The following MUC5AC variants were observed in gnomAD, a reference collection of about 807,000 sequenced individuals.
The protein encoded by MUC5AC is mucin-5AC.
MUC5AC carries 158 observed loss-of-function variants against 169.7 expected under a neutral mutation model. That is an observed-to-expected ratio of 0.93 (90% CI 0.82 to 1.06). The LOEUF is 1.06. MUC5AC is among the 50% of genes least tolerant of loss of function. MUC5AC has a pLI of 0.00. For missense variants in MUC5AC, 4,359 were observed against 3,089.9 expected (o/e 1.41, Z -9.74); for synonymous variants, 1,975 against 1,237.0 (o/e 1.60, Z -12.52).
intron 44 of MUC5AC, 21 bp downstream of exon 44, chr11:1,199,017 C>A: frequency 1.3e-6 from 1 of 763,170 alleles, no homozygotes. Context: ...CCACCCTGCC[C>A]CGACCCTGCC....
At chr11:1,193,136 G>A (rs1466708630) in intron 32 of MUC5AC, among the ~76,000 whole-genome samples, 154 bp downstream of exon 32, 1 of 152,232 alleles carries the variant, frequency 6.6e-6, no homozygotes, top group African/African-American at 2.4e-5. Context: ...GCTGTAGCCC[G>A]GCGTCTCTGA....
In MUC5AC at chr11:1,188,993, T is replaced by C. The variant is rs1245095901; in HGVS notation, c.10848T>C (p.Leu3616=). 0.14 allele frequency: 95,421 copies of C among 671,310 alleles called. 8,932 individuals are homozygous for C. Among genetic ancestry groups the C allele is most frequent in the Non-Finnish European group, 0.18 (65,080 of 370,084 alleles). The allele number at this position is 671,310 out of a possible 1,614,324, so 41.6% of individuals were successfully genotyped here. A position where few individuals can be genotyped will look rare whatever the true frequency, so the allele number is the denominator to read the frequency against. ...GCCTCAACTACGAGGTGCGTGTGCT[T>C]TGCTGCGAGACCCCCAAAGGCTGCC... ...KMCLNYEVRV[L]CCETPKGCPV... The change falls in exon 31 of 49, where the codon CTT becomes CTC. Residue 3616 remains leucine (L), a synonymous_variant. Transcript: ENST00000621226.
In MUC5AC at chr11:1,190,634, T is replaced by G. The variant is rs1409182469; in HGVS notation, c.12489T>G (p.Ser4163=). 6 of 694,330 alleles carry G rather than the reference T, an allele frequency of 8.6e-6. No individual in the cohort carries two copies. The highest frequency in any genetic ancestry group is 4.0e-5 in the Admixed American group (2 of 49,662). 43.0% of individuals were successfully genotyped at this position (694,330 alleles called of 1,614,324 possible). A position where few individuals can be genotyped will look rare whatever the true frequency, so the allele number is the denominator to read the frequency against. ...TTLAPTTSTT[S]APTTSTNSAP... ...TGGCTCCTACAACCAGCACAACCTC[T>G]GCTCCAACAACCAGCACAAACTCTG... is the stretch of plus-strand genomic sequence containing the variant. The change falls in exon 31 of 49, where the codon TCT becomes TCG. Residue 4163 remains serine (S), a synonymous_variant. Coordinates refer to ENST00000621226, the MANE Select transcript of MUC5AC (RefSeq NM_001304359.2).
rs982422556 is a variant in MUC5AC at position 1,164,328 on chromosome 11, C to T, written c.1003+9C>T. The T allele has an allele frequency of 5.0e-6, 8 of 1,611,838 alleles. No individual in the cohort carries two copies. The highest frequency in any genetic ancestry group is 1.1e-5 in the South Asian group (1 of 91,084). ...GGGCCCTGACTTCTGCCGTGAGTGT[C>T]CCAGCCCCCTGTCCCCCAACCCCTT... On this transcript the variant is annotated intron_variant, in intron 8 of 48. Transcript: ENST00000621226.
Position 1,192,322 on chromosome 11 carries a change from A to C in MUC5AC, c.14177A>C (p.Glu4726Ala), listed in dbSNP as rs1265924237. 5 of 764,992 alleles carry C rather than the reference A, an allele frequency of 6.5e-6. No individual in the cohort carries two copies. The highest frequency in any genetic ancestry group is 7.2e-6 in the Non-Finnish European group (3 of 417,896). The allele number at this position is 764,992 out of a possible 1,614,324, so 47.4% of individuals were successfully genotyped here. ...LNYEVRVLCC[E>A]TPRGCPVTSV... is the part of the protein sequence containing the mutation. ...TACGAGGTGCGCGTGCTCTGCTGCG[A>C]GACCCCCAGAGGCTGCCCGGTGACC... Residue 4726 changes from glutamate (E) to alanine (A), a missense_variant, in exon 31 of 49, where the codon GAG becomes GCG. By Grantham distance (107) the Glu-to-Ala change is moderately radical. Transcript: ENST00000621226.
Position 1,194,136 on chromosome 11 carries a change from C to A in MUC5AC, c.14782C>A (p.His4928Asn). 1.3e-6 allele frequency: 1 copy of A among 765,006 alleles called. No homozygotes were observed. The highest frequency in any genetic ancestry group is 2.4e-6 in the Non-Finnish European group (1 of 417,846). 47.4% of individuals were successfully genotyped at this position (765,006 alleles called of 1,614,324 possible). A position where few individuals can be genotyped will look rare whatever the true frequency, so the allele number is the denominator to read the frequency against. Residue 4928 changes from histidine (H) to asparagine (N), a missense_variant, in exon 34 of 49, where the codon CAC (histidine) becomes AAC (asparagine). Transcript: ENST00000621226. The part of the protein sequence containing the change: ...QCVCSGWGDP[H>N]YITFDGTYYT... ...TGTGTGCAGCGGCTGGGGTGACCCC[C>A]ACTACATCACCTTCGACGGCACCTA...
rs1860151340 is a variant in MUC5AC, at chr11:1,161,909, T to G, written c.214T>G (p.Ser72Ala). 1 of 1,611,062 alleles carries G rather than the reference T, an allele frequency of 6.2e-7. No homozygotes were observed. The highest frequency in any genetic ancestry group is 8.5e-7 in the Non-Finnish European group (1 of 1,179,350). ...SLRTIPVVRA[S>A]NPAHNGRVCS... ...ACACCATGCTGCTTCCACCGCAGCC[T>G]CCAACCCGGCGCACAACGGGCGGGT... Residue 72 changes from serine to alanine, a missense_variant and splice_region_variant, in exon 4 of 49, where the codon TCC (serine) becomes GCC (alanine). Coordinates refer to ENST00000621226, the MANE Select transcript of MUC5AC (RefSeq NM_001304359.2).
intron 11 of MUC5AC, among the ~76,000 whole-genome samples, chr11:1,167,281 A>G (rs35616628): frequency 0.17 from 24,739 of 145,048 alleles, 2,271 homozygotes; most frequent in Non-Finnish European, 0.2. Flanking sequence ...TGCACCCAAC[A>G]CAGTCTCCCC....
At chr11:1,158,202 C>T in intron 1 of MUC5AC, 130 bp downstream of exon 1, 1 of 809,736 alleles carries the variant, frequency 1.2e-6, no homozygotes, top group Non-Finnish European at 1.9e-6. Flanking sequence ...AGCAGCATAG[C>T]CCCTGACTGT....
At chr11:1,161,867 G>A (rs1447555106) in intron 3 of MUC5AC, 40 bp from the exon 4 acceptor site, 1 of 1,591,010 alleles carries the variant, frequency 6.3e-7, no homozygotes, top group African/African-American at 1.3e-5. Flanking sequence ...GGGCGAGGAT[G>A]AGGGCGACGC....
rs780974838 is a variant in MUC5AC, at chr11:1,197,890, C to T, written c.16034-13C>T. 6 of 706,828 alleles carry T rather than the reference C, an allele frequency of 8.5e-6. No homozygotes were observed. The highest frequency in any genetic ancestry group is 1.5e-5 in the Non-Finnish European group (6 of 389,038). 43.8% of individuals were successfully genotyped at this position (706,828 alleles called of 1,614,324 possible). On this transcript the variant is annotated splice_polypyrimidine_tract_variant and intron_variant, in intron 41 of 48. Transcript: ENST00000621226. The stretch of plus-strand genomic sequence containing the variant: ...GGGACAGACTCCTAATTGCCTCACT[C>T]CCGCCCCCGCAGCCTGCAACACCAG...
At chr11:1,193,447 GGA>G in intron 32 of MUC5AC, 36 bp from the exon 33 acceptor site, 1 of 688,218 alleles carries the variant, frequency 1.5e-6, no homozygotes, top group Non-Finnish European at 2.7e-6. Context: ...CCGGAGATCG[GGA>G]GAGGCCGGAC....
Position 1,163,797 on chromosome 11 carries a change from C to T in MUC5AC, c.680-85C>T. 6.4e-6 allele frequency: 7 copies of T among 1,096,504 alleles called. No homozygotes were observed. In the South Asian group the frequency reaches 9.5e-5, roughly 15 times the overall value. 67.9% of individuals were successfully genotyped at this position (1,096,504 alleles called of 1,614,324 possible). ...GCCCTTCTAACCCCACCCCAGGGAC[C>T]CGGCCCTGGGGGCTCTGCTGCTCGG... On this transcript the variant is annotated intron_variant, in intron 6 of 48. Coordinates refer to ENST00000621226, the MANE Select transcript of MUC5AC (RefSeq NM_001304359.2).
chr11:1,169,285 C>T (rs1403792671), intron 15 of MUC5AC, among the ~76,000 whole-genome samples: 2 of 152,112 alleles, frequency 1.3e-5, no homozygotes, highest in Non-Finnish European at 2.9e-5. Flanking sequence ...GACCGCCTAC[C>T]CCTGCACAGG....
intron 41 of MUC5AC, 69 bp from the exon 42 acceptor site, chr11:1,197,834 C>A (rs1209540980): frequency 1.5e-6 from 1 of 676,232 alleles, no homozygotes; most frequent in African/African-American, 1.8e-5. Flanking sequence ...ATCCTAGAGA[C>A]CCCAGGGGGT....
chr11:1,174,687 A>G, intron 17 of MUC5AC, 65 bp downstream of exon 17: 1 of 668,576 alleles, frequency 1.5e-6, no homozygotes, highest in East Asian at 3.0e-5. Context: ...GGGTGCCCCC[A>G]GTGTGCACAG....
chr11:1,165,779 G>A lies in MUC5AC; in HGVS notation c.1386+19G>A, dbSNP rs780493187. On this transcript the variant is annotated intron_variant, in intron 11 of 48. Transcript: ENST00000621226. Reference sequence around the variant, plus strand: ...GACCAAGGTACGGCCTGGCTGCCTGGGGTGCTCGCCGGACAGAGGGGGCCC... The same window carrying A: ...GACCAAGGTACGGCCTGGCTGCCTGAGGTGCTCGCCGGACAGAGGGGGCCC... The A allele has an allele frequency of 6.2e-7, 1 of 1,610,820 alleles. No homozygotes were observed. Among genetic ancestry groups the A allele is most frequent in the Non-Finnish European group, 8.5e-7 (1 of 1,179,540 alleles).
In MUC5AC at chr11:1,199,425, A is replaced by C. The variant is rs768081800; in HGVS notation, c.16450A>C (p.Lys5484Gln). Residue 5484 changes from lysine (K) to glutamine (Q), a missense_variant, in exon 46 of 49, where the codon AAG (lysine) becomes CAG (glutamine). Lys to Gln is a moderately conservative substitution (Grantham distance 53). Transcript: ENST00000621226. ...CCACTGTGTGACCCACCAGTGTGAG[A>C]AGCACCAGGATGGGCTCGTGGTGGT... is the stretch of plus-strand genomic sequence containing the variant. ...GNHCVTHQCEKHQDGLVVVTT... is the reference protein window; with the variant it reads ...GNHCVTHQCEQHQDGLVVVTT... 1 of 732,480 alleles carries C rather than the reference A, an allele frequency of 1.4e-6. No individual in the cohort carries two copies. Among genetic ancestry groups the C allele is most frequent in the South Asian group, 1.4e-5 (1 of 69,650 alleles). 45.4% of individuals were successfully genotyped at this position (732,480 alleles called of 1,614,324 possible).
At position 1,190,633 on chromosome 11, in the gene MUC5AC, C is replaced by T; in HGVS notation, c.12488C>T (p.Ser4163Phe). ...TTLAPTTSTTSAPTTSTNSAP... is the reference protein window; with the variant it reads ...TTLAPTTSTTFAPTTSTNSAP... ...TTGGCTCCTACAACCAGCACAACCT[C>T]TGCTCCAACAACCAGCACAAACTCT... Residue 4163 changes from serine to phenylalanine, a missense_variant, in exon 31 of 49, where the codon TCT (serine) becomes TTT (phenylalanine). Transcript: ENST00000621226. The T allele has an allele frequency of 1.4e-6, 1 of 694,960 alleles. No individual in the cohort carries two copies. The highest frequency in any genetic ancestry group is 2.0e-5 in the Admixed American group (1 of 49,696). 43.0% of individuals were successfully genotyped at this position (694,960 alleles called of 1,614,324 possible).
Sources: gnomAD v4.1 joint callset for allele counts (sites outside exome capture counted in the v4.1 genomes callset) on GRCh38, gnomAD v4.1.1 for gene constraint, MANE v1.5 for transcripts, NCBI Gene and HGNC (gene_info 2026-07-23, HGNC 2026-07-21) for gene names.